The following PPP1R13B variants were observed in gnomAD, a reference collection of about 807,000 sequenced individuals.
PPP1R13B encodes the protein protein phosphatase 1 regulatory subunit 13B.
A neutral mutation model predicts 119.8 loss-of-function variants in PPP1R13B; 44 were observed. That is an observed-to-expected ratio of 0.37 (90% CI 0.29 to 0.47). The LOEUF is 0.47. Ranked by LOEUF, PPP1R13B falls within the 20% of genes least tolerant of loss-of-function variation. The probability of loss-of-function intolerance (pLI) is 0.99; values close to 1 mark genes in which losing one functional copy is unlikely to be tolerated. For missense variants in PPP1R13B, 1,227 were observed against 1,413.5 expected, an observed-to-expected ratio of 0.87 and a Z score of 2.12; for synonymous variants, 542 against 561.5, an observed-to-expected ratio of 0.97 and a Z score of 0.49.
At chr14:103,735,956 C>G (rs2084098212) in intron 16 of PPP1R13B, 47 bp downstream of exon 16, 3 of 1,602,222 alleles carry the variant, frequency 1.9e-6, no homozygotes, top group South Asian at 1.1e-5. Context: ...GCATGCTGTA[C>G]AGAGACACGG....
At chr14:103,772,458 A>G (rs1158546594) in intron 4 of PPP1R13B, among the ~76,000 whole-genome samples, 3 of 152,334 alleles carry the variant, frequency 2.0e-5, no homozygotes, top group South Asian at 2.1e-4. Flanking sequence ...CAAGCAATAC[A>G]TAAGAGTTCC....
Position 103,740,698 on chromosome 14 carries a change from ACAT to A in PPP1R13B, c.1823-108_1823-106del. On this transcript the variant is annotated intron_variant, in intron 11 of 16. Coordinates refer to ENST00000202556, the MANE Select transcript of PPP1R13B (RefSeq NM_015316.3). This position sits in a 1 kb window ranked among gnomAD's most constrained non-coding sequence, Gnocchi z 4.6. ...CAGGCTCCTGCAAAGACACACATAT[ACAT>A]CTGCTGCTGTTATTCAATTCTCATT... is the stretch of plus-strand genomic sequence containing the variant. 1.1e-6 allele frequency: 1 copy of A among 940,152 alleles called. No homozygotes were observed. The highest frequency in any genetic ancestry group is 1.4e-6 in the Non-Finnish European group (1 of 694,214). The allele number at this position is 940,152 out of a possible 1,614,324, so 58.2% of individuals were successfully genotyped here.
Position 103,754,337 on chromosome 14 carries a change from G to C in PPP1R13B, c.457-93C>G, listed in dbSNP as rs1351000291. ...TCCAGCACTTTGAGAGGCTGAGGTAGGTGGATCACCTGAGGTCAGGAGTTC... is the reference window on the plus strand; with the variant it reads ...TCCAGCACTTTGAGAGGCTGAGGTACGTGGATCACCTGAGGTCAGGAGTTC... On this transcript the variant is annotated intron_variant, in intron 5 of 16. Transcript: ENST00000202556. 2.4e-6 allele frequency: 3 copies of C among 1,256,824 alleles called. No homozygotes were observed. The East Asian group carries it at 7.2e-5, about 30-fold the overall frequency. The allele number at this position is 1,256,824 out of a possible 1,614,324, so 77.9% of individuals were successfully genotyped here.
chr14:103,778,523 G>C, intron 4 of PPP1R13B: 1 of 480,904 alleles, frequency 2.1e-6, no homozygotes, highest in Non-Finnish European at 3.7e-6. Flanking sequence ...GTCTCCCAAA[G>C]TGCTAGGATT....
At chr14:103,791,751 T>G (rs192149204) in intron 2 of PPP1R13B, among the ~76,000 whole-genome samples, 1 of 152,246 alleles carries the variant, frequency 6.6e-6, no homozygotes, top group East Asian at 1.9e-4. Flanking sequence ...AATATATATA[T>G]AGAAGTAAAT....
intron 4 of PPP1R13B, among the ~76,000 whole-genome samples, chr14:103,760,721 A>T (rs1010327454): frequency 4.6e-5 from 7 of 151,784 alleles, no homozygotes; most frequent in Non-Finnish European, 8.8e-5. Flanking sequence ...AACCCAGCTC[A>T]CTCTCCAGCC....
chr14:103,737,493 T>C (rs2084143192), intron 15 of PPP1R13B: 2 of 564,534 alleles, frequency 3.5e-6, no homozygotes, highest in African/African-American at 1.9e-5. Flanking sequence ...GGAGGATCAA[T>C]TGAGCCCGGG....
chr14:103,793,686 T>A (rs2085685500), intron 2 of PPP1R13B, among the ~76,000 whole-genome samples: 1 of 151,850 alleles, frequency 6.6e-6, no homozygotes, highest in Non-Finnish European at 1.5e-5. Context: ...TTTAGGAACT[T>A]TAAATAAGGT....
At chr14:103,747,549 G>GA (rs1379707069) in intron 8 of PPP1R13B, among the ~76,000 whole-genome samples, 1 of 152,016 alleles carries the variant, frequency 6.6e-6, no homozygotes, top group Non-Finnish European at 1.5e-5. Context: ...AGGTTTTTGG[G>GA]AAACAGGTGG....
intron 15 of PPP1R13B, 152 bp downstream of exon 15, chr14:103,737,542 C>A: frequency 9.6e-7 from 1 of 1,040,490 alleles, no homozygotes; most frequent in South Asian, 1.8e-5. Context: ...CGACATTGCA[C>A]TCCAGCCTGG....
intron 1 of PPP1R13B, among the ~76,000 whole-genome samples, chr14:103,816,416 G>C (rs577708754): frequency 2.7e-5 from 4 of 149,936 alleles, no homozygotes; most frequent in African/African-American, 9.7e-5. Context: ...GCCAGGCACA[G>C]TGGCTCACGC....
chr14:103,757,845 G>T, intron 4 of PPP1R13B, 94 bp from the exon 5 acceptor site: 1 of 1,024,740 alleles, frequency 9.8e-7, no homozygotes, highest in Non-Finnish European at 1.5e-6. Context: ...CTTTAGATAG[G>T]ATCCCTAGTA....
chr14:103,735,356 C>T (rs1464457338), intron 16 of PPP1R13B, among the ~76,000 whole-genome samples, 161 bp from the exon 17 acceptor site: 1 of 152,220 alleles, frequency 6.6e-6, no homozygotes, highest in Non-Finnish European at 1.5e-5. Context: ...GAGACCCACC[C>T]AGCCCTCTTT....
chr14:103,775,961 G>C (rs996085125), intron 4 of PPP1R13B, among the ~76,000 whole-genome samples: 3 of 151,920 alleles, frequency 2.0e-5, no homozygotes, highest in African/African-American at 7.3e-5. Flanking sequence ...ATATAATCTA[G>C]TATACCACAT....
At chr14:103,787,971 G>A (rs1265560257) in intron 2 of PPP1R13B, among the ~76,000 whole-genome samples, 2 of 151,868 alleles carry the variant, frequency 1.3e-5, no homozygotes, top group African/African-American at 4.8e-5. Context: ...TAATTAGCCG[G>A]GTGTGGTGGC....
chr14:103,760,176 T>C (rs1172081362), intron 4 of PPP1R13B, among the ~76,000 whole-genome samples: 5 of 151,450 alleles, frequency 3.3e-5, no homozygotes, highest in African/African-American at 9.7e-5. Flanking sequence ...ATGTGAAAAT[T>C]TGGGAAAAAA....
intron 3 of PPP1R13B, among the ~76,000 whole-genome samples, chr14:103,779,799 G>C (rs936779631): frequency 2.0e-5 from 3 of 151,504 alleles, no homozygotes; most frequent in Admixed American, 6.6e-5. Context: ...ATAACATAAA[G>C]ATAAAAATTT....
Position 103,797,361 on chromosome 14 carries a change from T to G in PPP1R13B, c.157+10A>C, listed in dbSNP as rs2085783502. The G allele has an allele frequency of 1.9e-6, 3 of 1,613,212 alleles. No individual in the cohort carries two copies. Among genetic ancestry groups the G allele is most frequent in the Admixed American group, 3.3e-5 (2 of 59,796 alleles). ...TCAATGTAACAATCTTTACAGGACCTAATACATACCATTTCCCCTCCACAC... is the reference window on the plus strand; with the variant it reads ...TCAATGTAACAATCTTTACAGGACCGAATACATACCATTTCCCCTCCACAC... On this transcript the variant is annotated intron_variant, in intron 2 of 16. Coordinates refer to ENST00000202556, the MANE Select transcript of PPP1R13B (RefSeq NM_015316.3).
chr14:103,738,498 A>C lies in PPP1R13B; in HGVS notation c.2864+181T>G. 1 of 934,510 alleles carries C rather than the reference A, an allele frequency of 1.1e-6. No individual in the cohort carries two copies. The highest frequency in any genetic ancestry group is 1.6e-6 in the Non-Finnish European group (1 of 635,282). 57.9% of individuals were successfully genotyped at this position (934,510 alleles called of 1,614,324 possible). A position where few individuals can be genotyped will look rare whatever the true frequency, so the allele number is the denominator to read the frequency against. ...CCACGTTTTTAACAAAATCATCAAG[A>C]GAAAAGGCTGGAAAAAAAGGCAAGG... On this transcript the variant is annotated intron_variant, in intron 14 of 16. Transcript: ENST00000202556. The surrounding 1 kb of genome is among the most constrained non-coding windows in gnomAD (Gnocchi z 5.6).
Sources: allele counts gnomAD v4.1 joint callset (sites outside exome capture counted in the v4.1 genomes callset), GRCh38; gene constraint gnomAD v4.1.1; non-coding constraint Gnocchi (gnomAD v3.1); transcripts MANE v1.5; gene names NCBI Gene and HGNC (gene_info 2026-07-23, HGNC 2026-07-21).